Variants in SGCD observed in about 807,000 individuals in gnomAD.
SGCD encodes the protein delta-sarcoglycan.
In SGCD, 18 loss-of-function variants were observed where a neutral mutation model predicts 36.6. The ratio of observed to expected loss-of-function variants is 0.49; its 90% confidence interval spans 0.34 to 0.73. The LOEUF (loss-of-function observed/expected upper bound fraction) is 0.73, where lower values mean the gene tolerates loss of function less well. SGCD is among the 30% of genes least tolerant of loss of function. The probability of loss-of-function intolerance (pLI) is 0.01; values close to 1 mark genes in which losing one functional copy is unlikely to be tolerated. For synonymous variants in SGCD, 133 were observed against 130.6 expected (o/e 1.02, Z -0.12); for missense variants, 387 against 346.7 (o/e 1.12, Z -0.92).
chr5:156,142,448 C>A (rs942406427), intron 3 of SGCD, among the ~76,000 whole-genome samples: 2 of 152,100 alleles, frequency 1.3e-5, no homozygotes, highest in South Asian at 4.1e-4. Flanking sequence ...GGAGTTGGAA[C>A]AATTTGGAGG....
chr5:156,109,645 C>G (rs906197964), intron 1 of SGCD, among the ~76,000 whole-genome samples: 15 of 152,142 alleles, frequency 9.9e-5, no homozygotes, highest in African/African-American at 3.6e-4. Context: ...GTAGTTTCTT[C>G]TGCCTGAAAT....
intron 3 of SGCD, among the ~76,000 whole-genome samples, chr5:156,306,407 T>A (rs1416465325): frequency 1.3e-5 from 2 of 152,228 alleles, no homozygotes; most frequent in Non-Finnish European, 1.5e-5. Flanking sequence ...TGCCTTCTGC[T>A]GTGATTGTGG....
intron 3 of SGCD, among the ~76,000 whole-genome samples, chr5:156,316,075 G>A (rs1289785508): frequency 6.6e-6 from 1 of 151,836 alleles, no homozygotes; most frequent in Admixed American, 6.6e-5. Flanking sequence ...AGAAAGCCCT[G>A]AAGACTTCAT....
intron 3 of SGCD, among the ~76,000 whole-genome samples, chr5:156,192,026 T>G (rs1581159319): frequency 6.6e-6 from 1 of 152,312 alleles, no homozygotes; most frequent in African/African-American, 2.4e-5. Flanking sequence ...GAGAAGAAAC[T>G]TTGGAATGAT....
chr5:156,527,755 G>A (rs1757704035), intron 4 of SGCD, among the ~76,000 whole-genome samples: 1 of 152,220 alleles, frequency 6.6e-6, no homozygotes, highest in Non-Finnish European at 1.5e-5. Context: ...CTGAGCTGCT[G>A]TGGTTGACCA....
intron 1 of SGCD, among the ~76,000 whole-genome samples, chr5:155,957,234 G>A (rs564133753): frequency 8.5e-5 from 13 of 152,170 alleles, no homozygotes; most frequent in African/African-American, 3.1e-4. Context: ...AGGTTGTAAT[G>A]CGCTGCTCAG....
chr5:155,868,599 G>A (rs895001318), upstream of SGCD, among the ~76,000 whole-genome samples: 5 of 152,030 alleles, frequency 3.3e-5, no homozygotes, highest in South Asian at 2.1e-4. Context: ...AATGATGACC[G>A]TGCCTAAGGA....
chr5:156,237,810 C>T (rs1765205531), intron 3 of SGCD, among the ~76,000 whole-genome samples: 1 of 152,090 alleles, frequency 6.6e-6, no homozygotes. Flanking sequence ...TATTATTGAG[C>T]CCCAACTATG....
At chr5:156,664,965 T>C (rs1764083872) in intron 7 of SGCD, among the ~76,000 whole-genome samples, 1 of 149,284 alleles carries the variant, frequency 6.7e-6, no homozygotes, top group Admixed American at 6.6e-5. Flanking sequence ...CCTTTCTTGA[T>C]TTATCAATAA....
intron 6 of SGCD, among the ~76,000 whole-genome samples, chr5:156,628,764 T>G (rs1239626872): frequency 2.6e-5 from 4 of 152,218 alleles, no homozygotes; most frequent in African/African-American, 9.6e-5. Flanking sequence ...CACATTTGAT[T>G]TGGTAGGGAG....
intron 3 of SGCD, among the ~76,000 whole-genome samples, chr5:156,352,749 C>CACA (rs1769318752): frequency 6.6e-6 from 1 of 152,154 alleles, no homozygotes; most frequent in Non-Finnish European, 1.5e-5. Context: ...ACCCTATGAG[C>CACA]TAAGCACCCT....
chr5:156,139,914 G>A (rs256770), intron 3 of SGCD, among the ~76,000 whole-genome samples: 84,371 of 152,006 alleles, frequency 0.56, 24,870 homozygotes, highest in African/African-American at 0.77. Context: ...TGACACCTTT[G>A]TAAAAGGGCT....
intron 6 of SGCD, among the ~76,000 whole-genome samples, chr5:156,608,940 C>G (rs1291019998): frequency 6.6e-6 from 1 of 151,976 alleles, no homozygotes; most frequent in Admixed American, 6.6e-5. Context: ...ATGTGTGTCT[C>G]TGCACATGAG....
chr5:156,644,358 T>A (rs1763150866), intron 6 of SGCD, among the ~76,000 whole-genome samples: 2 of 152,132 alleles, frequency 1.3e-5, no homozygotes, highest in Non-Finnish European at 2.9e-5. Context: ...AATTAGTCAT[T>A]TTTCATAAAA....
chr5:156,105,141 A>G (rs542183601), intron 1 of SGCD, among the ~76,000 whole-genome samples: 15 of 152,322 alleles, frequency 9.8e-5, no homozygotes, highest in African/African-American at 3.1e-4. Flanking sequence ...AACTTAAAGT[A>G]TAATAAAAAA....
intron 3 of SGCD, among the ~76,000 whole-genome samples, chr5:156,317,610 T>G (rs1340052582): frequency 6.6e-6 from 1 of 152,196 alleles, no homozygotes; most frequent in Non-Finnish European, 1.5e-5. Context: ...TGAAATGCAG[T>G]GAACTCCAAA....
intron 1 of SGCD, among the ~76,000 whole-genome samples, chr5:155,956,807 C>G (rs1030234802): frequency 2.0e-5 from 3 of 148,686 alleles, no homozygotes; most frequent in Non-Finnish European, 4.5e-5. Context: ...GCCCCCCCCC[C>G]CGGTTAATCC....
At chr5:156,028,563 C>G (rs1008499795) in intron 1 of SGCD, among the ~76,000 whole-genome samples, 1 of 152,094 alleles carries the variant, frequency 6.6e-6, no homozygotes, top group Non-Finnish European at 1.5e-5. Context: ...ACTGAAAACT[C>G]TGCATGGTAT....
At chr5:156,133,914 AACACACACACAC>A (rs70981997) in intron 3 of SGCD, among the ~76,000 whole-genome samples, 16,176 of 140,330 alleles carry the variant, frequency 0.12, 1,091 homozygotes, top group Middle Eastern at 0.16. Context: ...GCCGGGTTAA[AACACACACACAC>A]ACACACACAC....
Sources: gnomAD v4.1 joint callset for allele counts (sites outside exome capture counted in the v4.1 genomes callset) on GRCh38, gnomAD v4.1.1 for gene constraint, MANE v1.5 for transcripts, NCBI Gene and HGNC (gene_info 2026-07-23, HGNC 2026-07-21) for gene names.